The following GRIP1 variants were observed in gnomAD, a reference collection of about 807,000 sequenced individuals.
GRIP1 encodes glutamate receptor interacting protein 1.
A neutral mutation model predicts 129.9 loss-of-function variants in GRIP1; 45 were observed. The observed-to-expected ratio is 0.35, with a 90% CI of 0.27 to 0.44. GRIP1 has a LOEUF of 0.44. GRIP1 is among the 20% of genes least tolerant of loss of function. The pLI is 1.00. For missense variants in GRIP1, 1,196 were observed against 1,396.8 expected, an observed-to-expected ratio of 0.86 and a Z score of 2.29; for synonymous variants, 530 against 520.8, an observed-to-expected ratio of 1.02 and a Z score of -0.24.
chr12:66,802,299 T>C (rs1195031842), intron 1 of GRIP1, among the ~76,000 whole-genome samples: 1 of 152,146 alleles, frequency 6.6e-6, no homozygotes, highest in East Asian at 1.9e-4. Context: ...TATGTTCTGA[T>C]AAATCACAGG....
At position 66,444,687 on chromosome 12, in the gene GRIP1, A is replaced by G. The variant is rs758839187; in HGVS notation, c.1584T>C (p.Asn528=). The G allele has an allele frequency of 1.2e-6, 2 of 1,613,972 alleles. No homozygotes were observed. The highest frequency in any genetic ancestry group is 1.7e-5 in the Admixed American group (1 of 60,012). Residue 528 remains asparagine (N), a synonymous_variant, in exon 13 of 25, where the codon AAT becomes AAC. Transcript: ENST00000359742. ...AGGTGCTGTCTTCTGTTGGAATTCCATTGATGGCCATCACTCTGTCTCCAA... is the reference window on the plus strand; with the variant it reads ...AGGTGCTGTCTTCTGTTGGAATTCCGTTGATGGCCATCACTCTGTCTCCAA... ...LQIGDRVMAI[N]GIPTEDSTFE... is the part of the protein sequence containing the mutation.
intron 22 of GRIP1, among the ~76,000 whole-genome samples, chr12:66,373,891 A>G (rs752124485): frequency 6.6e-6 from 1 of 152,200 alleles, no homozygotes. Flanking sequence ...TGCGTGGACA[A>G]GTTAAGCAAC....
chr12:66,667,912 A>G (rs2033883184), intron 1 of GRIP1, among the ~76,000 whole-genome samples: 1 of 152,132 alleles, frequency 6.6e-6, no homozygotes, highest in Admixed American at 6.5e-5. Context: ...CTGTGGTTCC[A>G]TGGCCAGGAA....
In GRIP1 at chr12:66,618,313, G is replaced by A. The variant is rs576408748; in HGVS notation, c.56-21386C>T. On this transcript the variant is annotated intron_variant, in intron 1 of 24. Coordinates refer to ENST00000359742, the MANE Select transcript of GRIP1 (RefSeq NM_001366722.1). Reference sequence around the variant, plus strand: ...TTTTGTTTTAAAAACAGAAAATTACGAATATAAATTTATAGTTGCTTCTAT... The same window carrying A: ...TTTTGTTTTAAAAACAGAAAATTACAAATATAAATTTATAGTTGCTTCTAT... Among the ~76,000 whole-genome samples, 3 of 152,064 alleles carry A rather than the reference G, an allele frequency of 2.0e-5. No homozygotes were observed. The South Asian group carries it at 6.2e-4, about 31-fold the overall frequency.
rs535636353 is a variant in GRIP1, at chr12:66,834,444, G to A, written c.58+234606C>T. ...AGAAAACAGTGACTCAATTAATACA[G>A]ATACAAGATAAAGCACTGTAAAGGC... is the stretch of plus-strand genomic sequence containing the variant. On this transcript the variant is annotated intron_variant, in intron 1 of 1. Transcript: ENST00000643019. 1.1e-3 allele frequency among the ~76,000 whole-genome samples: 169 copies of A among 152,232 alleles called. 1 individual carries two copies. Among genetic ancestry groups the A allele is most frequent in the African/African-American group, 3.9e-3 (162 of 41,550 alleles).
intron 4 of GRIP1, among the ~76,000 whole-genome samples, chr12:66,530,302 AC>A (rs1386347490): frequency 1.3e-5 from 2 of 152,200 alleles, no homozygotes. Flanking sequence ...TTGTACAATA[AC>A]TTCTGTATTT....
At chr12:66,929,256 T>A (rs1566082579) in intron 1 of GRIP1, among the ~76,000 whole-genome samples, 1 of 152,216 alleles carries the variant, frequency 6.6e-6, no homozygotes, top group Non-Finnish European at 1.5e-5. Flanking sequence ...TCTGCATGGC[T>A]GGTTTCATCC....
intron 1 of GRIP1, among the ~76,000 whole-genome samples, chr12:66,849,682 G>A (rs1289635706): frequency 1.3e-5 from 2 of 152,104 alleles, no homozygotes; most frequent in African/African-American, 2.4e-5. Flanking sequence ...ATAGCAATGT[G>A]AAGCCCATAC....
At chr12:66,389,651 C>T (rs762752457) in intron 19 of GRIP1, among the ~76,000 whole-genome samples, 14 of 151,998 alleles carry the variant, frequency 9.2e-5, no homozygotes, top group Non-Finnish European at 1.6e-4. Flanking sequence ...AAACTGTAAG[C>T]GCAAAATGAG....
At chr12:66,858,324 T>C (rs1410186028) in intron 1 of GRIP1, among the ~76,000 whole-genome samples, 1 of 151,952 alleles carries the variant, frequency 6.6e-6, no homozygotes, top group African/African-American at 2.4e-5. Context: ...TTTGCAAGAA[T>C]TTACTTTCAA....
chr12:66,849,917 C>T (rs765256861), intron 1 of GRIP1, among the ~76,000 whole-genome samples: 9 of 152,178 alleles, frequency 5.9e-5, no homozygotes, highest in Non-Finnish European at 7.4e-5. Context: ...ATTTCTGGCT[C>T]TGTCGGTCTG....
In GRIP1 at chr12:66,508,794, C is replaced by T. The variant is rs144671816; in HGVS notation, c.724+6825G>A. ...TACAGTGAGCCTTGTTTTATTCAGC[C>T]AGCAAGAATTTCATGGTTACTGACT... On this transcript the variant is annotated intron_variant, in intron 7 of 24. Transcript: ENST00000359742. Among the ~76,000 whole-genome samples the T allele has an allele frequency of 1.4e-3, 210 of 152,290 alleles. 6 individuals are homozygous for T. In the South Asian group the frequency reaches 0.021, roughly 15 times the overall value.
chr12:66,836,635 T>C (rs1387191588), intron 1 of GRIP1, among the ~76,000 whole-genome samples: 1 of 152,166 alleles, frequency 6.6e-6, no homozygotes, highest in Non-Finnish European at 1.5e-5. Flanking sequence ...AATAAAATAA[T>C]GAGAATACCT....
At chr12:66,389,240 T>C (rs1843403234) in intron 19 of GRIP1, among the ~76,000 whole-genome samples, 1 of 152,148 alleles carries the variant, frequency 6.6e-6, no homozygotes, top group Non-Finnish European at 1.5e-5. Context: ...TTGTTTTAAT[T>C]TTTTTTGAGA....
chr12:66,616,801 C>T (rs2139929709), intron 1 of GRIP1, among the ~76,000 whole-genome samples: 1 of 152,228 alleles, frequency 6.6e-6, no homozygotes, highest in South Asian at 2.1e-4. Flanking sequence ...CCTCTCTGTT[C>T]CTCAGGGAAA....
chr12:66,707,768 G>A (rs940102284), intron 1 of GRIP1, among the ~76,000 whole-genome samples: 4 of 151,940 alleles, frequency 2.6e-5, no homozygotes, highest in East Asian at 1.9e-4. Flanking sequence ...GTAATGCTGC[G>A]TACTGAAAAC....
rs1188888137 is a variant in GRIP1 at position 66,723,296 on chromosome 12, CTTTCTTTCTTTT to C, written c.-420+80745_-420+80756del. Among the ~76,000 whole-genome samples, 86 of 22,072 alleles carry C rather than the reference CTTTCTTTCTTTT, an allele frequency of 3.9e-3. 9 individuals carry two copies. The highest frequency in any genetic ancestry group is 0.022 in the Middle Eastern group (1 of 46). 14.5% of individuals were successfully genotyped at this position (22,072 alleles called of 152,430 possible). On this transcript the variant is annotated intron_variant, in intron 1 of 4. Transcript: ENST00000538373. Reference sequence around the variant, plus strand: ...CCTTCCTTCCTTCCTTTCTTTCTTTCTTTCTTTCTTTTTTTTTTTTTTTTTTTTTTTTTTGAG... The same window carrying C: ...CCTTCCTTCCTTCCTTTCTTTCTTTCTTTTTTTTTTTTTTTTTTTTTTGAG...
At chr12:66,821,839 C>T (rs1268471819) in intron 1 of GRIP1, among the ~76,000 whole-genome samples, 1 of 152,112 alleles carries the variant, frequency 6.6e-6, no homozygotes, top group Admixed American at 6.6e-5. Flanking sequence ...TTTCATCACA[C>T]AACAAAAAGT....
intron 1 of GRIP1, among the ~76,000 whole-genome samples, chr12:66,889,654 T>C (rs781695170): frequency 6.6e-5 from 10 of 152,326 alleles, no homozygotes; most frequent in Non-Finnish European, 1.5e-4. Flanking sequence ...ACTTCCAAAT[T>C]TTGATCAAAG....
Sources: allele counts gnomAD v4.1 joint callset (sites outside exome capture counted in the v4.1 genomes callset), GRCh38; gene constraint gnomAD v4.1.1; transcripts MANE v1.5; gene names NCBI Gene and HGNC (gene_info 2026-07-23, HGNC 2026-07-21).